Variants in SLAMF1 observed in about 807,000 individuals in gnomAD.
The protein encoded by SLAMF1 is signaling lymphocytic activation molecule.
Under a neutral mutation model 35.1 loss-of-function variants are expected in SLAMF1, and 18 were observed. That is an observed-to-expected ratio of 0.51 (90% confidence interval 0.35 to 0.76). The LOEUF (loss-of-function observed/expected upper bound fraction) is 0.76, where lower values mean the gene tolerates loss of function less well. Ranked by LOEUF, SLAMF1 falls within the 30% of genes least tolerant of loss-of-function variation. SLAMF1 has a pLI of 0.01. For synonymous variants in SLAMF1, 168 were observed against 157.2 expected (o/e 1.07, Z -0.51); for missense variants, 392 against 413.0 (o/e 0.95, Z 0.44).
At chr1:160,628,241 T>C (rs1307344715) in intron 3 of SLAMF1, among the ~76,000 whole-genome samples, 3 of 152,208 alleles carry the variant, frequency 2.0e-5, no homozygotes, top group Admixed American at 6.5e-5. Flanking sequence ...GGGTTTAAGT[T>C]CTCTGCTGAA....
At chr1:160,620,643 T>A (rs1659561575) in intron 4 of SLAMF1, among the ~76,000 whole-genome samples, 1 of 152,120 alleles carries the variant, frequency 6.6e-6, no homozygotes, top group Non-Finnish European at 1.5e-5. Flanking sequence ...ACCAACCCAA[T>A]TTCATTCCCA....
chr1:160,641,178 G>T (rs554699697), intron 1 of SLAMF1, among the ~76,000 whole-genome samples: 1 of 152,188 alleles, frequency 6.6e-6, no homozygotes, highest in Admixed American at 6.5e-5. Context: ...ATTTTTCTGG[G>T]AGCACATCCA....
intron 5 of SLAMF1, among the ~76,000 whole-genome samples, chr1:160,618,578 C>T (rs1360326479): frequency 6.6e-6 from 1 of 152,170 alleles, no homozygotes; most frequent in Non-Finnish European, 1.5e-5. Flanking sequence ...GAACAGACTC[C>T]AGTCCTCAAA....
At position 160,610,552 on chromosome 1, in the gene SLAMF1, C is replaced by T. The variant is rs1570957696; in HGVS notation, c.*196G>A. ...GCGCCTGCAGCCACTGCACAGCAAG[C>T]TAAATTCTTGGGAAGCCTCACTTCC... On this transcript the variant is annotated 3_prime_UTR_variant, in exon 7 of 7. Transcript: ENST00000302035. 1.7e-6 allele frequency: 1 copy of T among 599,646 alleles called. No individual in the cohort carries two copies. Among genetic ancestry groups the T allele is most frequent in the South Asian group, 1.9e-5 (1 of 51,560 alleles). 37.1% of individuals were successfully genotyped at this position (599,646 alleles called of 1,614,324 possible). A position where few individuals can be genotyped will look rare whatever the true frequency, so the allele number is the denominator to read the frequency against.
rs1417609867 is a variant in SLAMF1 at position 160,642,491 on chromosome 1, A to G, written c.76+4379T>C. ...TCTGGTTCAATGCCTGTAATCCCCC[A>G]CTCTTATAAGCTTCCAAGAGTAGGG... On this transcript the variant is annotated intron_variant, in intron 1 of 6. Transcript: ENST00000302035. This position sits in a 1 kb window ranked among gnomAD's most constrained non-coding sequence, Gnocchi z 4.2. Among the ~76,000 whole-genome samples the G allele has an allele frequency of 6.6e-6, 1 of 151,838 alleles. No individual in the cohort carries two copies. The highest frequency in any genetic ancestry group is 6.6e-5 in the Admixed American group (1 of 15,252).
chr1:160,619,445 C>G (rs928039984), intron 5 of SLAMF1, among the ~76,000 whole-genome samples: 1 of 152,220 alleles, frequency 6.6e-6, no homozygotes. Context: ...TCTCCTCAAG[C>G]CTGCACTCTT....
rs533987002 is a variant in SLAMF1 at position 160,642,457 on chromosome 1, G to A, written c.76+4413C>T. On this transcript the variant is annotated intron_variant, in intron 1 of 6. Coordinates refer to ENST00000302035, the MANE Select transcript of SLAMF1 (RefSeq NM_003037.5). The surrounding 1 kb of genome is among the most constrained non-coding windows in gnomAD (Gnocchi z 4.2). ...CGCACTCCTTCATATCATTCATCAC[G>A]TGTTCAACTCTGGTTCAATGCCTGT... Among the ~76,000 whole-genome samples, 187 of 152,206 alleles carry A rather than the reference G, an allele frequency of 1.2e-3. 2 individuals carry two copies. Among genetic ancestry groups the A allele is most frequent in the Middle Eastern group, 6.8e-3 (2 of 294 alleles).
intron 4 of SLAMF1, 34 bp downstream of exon 4, chr1:160,624,062 T>A: frequency 7.1e-7 from 1 of 1,417,184 alleles, no homozygotes. Context: ...CCACAGAGAG[T>A]GTGATAAGAA....
rs979678284 is a variant in SLAMF1, at chr1:160,610,059, C to T, written c.*689G>A. 1.6e-5 allele frequency: 5 copies of T among 303,312 alleles called. No individual in the cohort carries two copies. The highest frequency in any genetic ancestry group is 8.9e-5 in the East Asian group (1 of 11,278). The allele number at this position is 303,312 out of a possible 1,614,324, so 18.8% of individuals were successfully genotyped here. A position where few individuals can be genotyped will look rare whatever the true frequency, so the allele number is the denominator to read the frequency against. ...TTTGCACAGAACTGTACTTTTAAGG[C>T]TCTTACATGGTTTCCAGTCCACTGT... On this transcript the variant is annotated 3_prime_UTR_variant, in exon 7 of 7. Transcript: ENST00000302035.
At chr1:160,632,169 C>A (rs948466999) in intron 3 of SLAMF1, among the ~76,000 whole-genome samples, 1 of 152,166 alleles carries the variant, frequency 6.6e-6, no homozygotes, top group African/African-American at 2.4e-5. Flanking sequence ...TTTGTTACAG[C>A]AGCCTTAGCA....
chr1:160,640,000 T>C (rs1357311653), intron 1 of SLAMF1, among the ~76,000 whole-genome samples: 1 of 152,190 alleles, frequency 6.6e-6, no homozygotes, highest in Non-Finnish European at 1.5e-5. Flanking sequence ...TCTTTCACTT[T>C]ATTTTAGGTA....
chr1:160,617,424 T>A (rs1004921266), intron 5 of SLAMF1, among the ~76,000 whole-genome samples: 3 of 152,182 alleles, frequency 2.0e-5, no homozygotes, highest in Non-Finnish European at 2.9e-5. Context: ...ATAACCCACA[T>A]GTCCATCAAT....
intron 1 of SLAMF1, among the ~76,000 whole-genome samples, chr1:160,644,014 T>C (rs997668502): frequency 1.4e-4 from 22 of 151,986 alleles, no homozygotes; most frequent in Admixed American, 1.3e-4. Flanking sequence ...ACAAACTAGT[T>C]AACAAAAAAA....
chr1:160,630,721 C>T (rs1660121188), intron 3 of SLAMF1, among the ~76,000 whole-genome samples: 3 of 152,126 alleles, frequency 2.0e-5, no homozygotes, highest in African/African-American at 7.2e-5. Flanking sequence ...CTGCCCCAGT[C>T]TGTTCTCTAT....
At chr1:160,633,969 T>G (rs1660295454) in intron 3 of SLAMF1, among the ~76,000 whole-genome samples, 1 of 152,218 alleles carries the variant, frequency 6.6e-6, no homozygotes, top group African/African-American at 2.4e-5. Flanking sequence ...TTGAGAGTGC[T>G]TTGCTAATGA....
In SLAMF1 at chr1:160,624,072, A is replaced by C; in HGVS notation, c.790+24T>G. 4.0e-6 allele frequency: 6 copies of C among 1,494,734 alleles called. No individual in the cohort carries two copies. In the East Asian group the frequency reaches 1.4e-4, roughly 34 times the overall value. 92.6% of individuals were successfully genotyped at this position (1,494,734 alleles called of 1,614,324 possible). On this transcript the variant is annotated intron_variant, in intron 4 of 6. Transcript: ENST00000302035. ...GCTTACCACAGAGAGTGTGATAAGA[A>C]TCTATTTATTGCCAGACACCTACCT...
At chr1:160,612,122 T>C (rs531835061) in intron 6 of SLAMF1, among the ~76,000 whole-genome samples, 47 of 152,088 alleles carry the variant, frequency 3.1e-4, no homozygotes, top group African/African-American at 8.5e-4. Flanking sequence ...TGAGCAGGTA[T>C]TGGGGGCTTC....
chr1:160,623,403 A>G (rs1344428610), intron 4 of SLAMF1: 2 of 396,078 alleles, frequency 5.0e-6, no homozygotes, highest in Non-Finnish European at 8.9e-6. Context: ...GTGCTGAGGT[A>G]AGGGCTTTTC....
intron 5 of SLAMF1, among the ~76,000 whole-genome samples, chr1:160,614,531 G>A (rs1484519303): frequency 1.3e-5 from 2 of 150,312 alleles, no homozygotes; most frequent in South Asian, 2.1e-4. Flanking sequence ...CTGAGATGGC[G>A]CCACAGCACT....
Sources: gnomAD v4.1 joint callset for allele counts (sites outside exome capture counted in the v4.1 genomes callset) on GRCh38, gnomAD v4.1.1 for gene constraint, Gnocchi (gnomAD v3.1) non-coding constraint, MANE v1.5 for transcripts, NCBI Gene and HGNC (gene_info 2026-07-23, HGNC 2026-07-21) for gene names.